SPAG9: variants seen among roughly 807,000 people sequenced by gnomAD.
The protein encoded by SPAG9 is sperm associated antigen 9.
Under a neutral mutation model 166.5 loss-of-function variants are expected in SPAG9, and 35 were observed. The observed-to-expected ratio is 0.21, with a 90% CI of 0.16 to 0.28. SPAG9 has a LOEUF of 0.28. Ranked by LOEUF, SPAG9 falls within the 10% of genes least tolerant of loss-of-function variation. The pLI, the probability that SPAG9 is intolerant of heterozygous loss-of-function variation, is 1.00. For synonymous variants in SPAG9, 534 were observed against 565.5 expected (o/e 0.94, Z 0.79); for missense variants, 1,235 against 1,603.3 (o/e 0.77, Z 3.92).
intron 1 of SPAG9, among the ~76,000 whole-genome samples, chr17:51,106,102 T>TACACACAC (rs71149344): frequency 0.036 from 3,992 of 110,608 alleles, 122 homozygotes; most frequent in South Asian, 0.047. Flanking sequence ...CCCCCATCTC[T>TACACACAC]ACACACACAC....
chr17:51,087,869 G>A (rs1040444562), intron 1 of SPAG9, among the ~76,000 whole-genome samples: 1 of 152,108 alleles, frequency 6.6e-6, no homozygotes, highest in African/African-American at 2.4e-5. Context: ...CTGAGTAGCT[G>A]GGACTACAGG....
Position 50,995,508 on chromosome 17 carries a change from T to G in SPAG9, c.1994A>C (p.Lys665Thr). Residue 665 changes from lysine (K) to threonine (T), a missense_variant, in exon 17 of 30, where the codon AAG (lysine) becomes ACG (threonine). Lys to Thr is a moderately conservative substitution (Grantham distance 78). Coordinates refer to ENST00000262013, the MANE Select transcript of SPAG9 (RefSeq NM_001130528.3). ...KQVTNGQGEN[K>T]MKNLPVPVYL... ...GACAGGCACAGGTAAATTTTTCATCTTATTTTCACCTTGACCATTGGTTAC... is the reference window on the plus strand; with the variant it reads ...GACAGGCACAGGTAAATTTTTCATCGTATTTTCACCTTGACCATTGGTTAC... 1 of 1,610,946 alleles carries G rather than the reference T, an allele frequency of 6.2e-7. No individual in the cohort carries two copies. The highest frequency in any genetic ancestry group is 8.5e-7 in the Non-Finnish European group (1 of 1,177,230).
chr17:51,114,707 T>C (rs2049231341), intron 1 of SPAG9, among the ~76,000 whole-genome samples: 1 of 152,036 alleles, frequency 6.6e-6, no homozygotes, highest in South Asian at 2.1e-4. Flanking sequence ...ATCCCAGCAC[T>C]TTGGGAGGTT....
chr17:51,006,539 C>T (rs1424523557), intron 10 of SPAG9, among the ~76,000 whole-genome samples: 1 of 151,842 alleles, frequency 6.6e-6, no homozygotes, highest in African/African-American at 2.4e-5. Context: ...AATATATTAC[C>T]CAATCAATAA....
In SPAG9 at chr17:51,027,003, C is replaced by A. The variant is rs1007448039; in HGVS notation, c.783+4678G>T. 2.6e-5 allele frequency among the ~76,000 whole-genome samples: 4 copies of A among 152,200 alleles called. No individual in the cohort carries two copies. The South Asian group carries it at 6.2e-4, about 24-fold the overall frequency. Reference sequence around the variant, plus strand: ...GAAACCATTTTTGAAAGAGGTCTTTCTTCTTGGTATCCCAGGCAGTGGTGA... The same window carrying A: ...GAAACCATTTTTGAAAGAGGTCTTTATTCTTGGTATCCCAGGCAGTGGTGA... On this transcript the variant is annotated intron_variant, in intron 6 of 29. Coordinates refer to ENST00000262013, the MANE Select transcript of SPAG9 (RefSeq NM_001130528.3).
At chr17:51,036,632 T>G (rs2144344090) in intron 5 of SPAG9, among the ~76,000 whole-genome samples, 1 of 152,192 alleles carries the variant, frequency 6.6e-6, no homozygotes, top group South Asian at 2.1e-4. Context: ...TTGGGGAGGC[T>G]CTCATCATCC....
intron 5 of SPAG9, 31 bp downstream of exon 5, chr17:51,041,470 A>G: frequency 6.2e-7 from 1 of 1,600,008 alleles, no homozygotes; most frequent in Non-Finnish European, 8.5e-7. Context: ...TGAAATATAA[A>G]CTGACACAAT....
intron 2 of SPAG9, among the ~76,000 whole-genome samples, chr17:51,071,913 A>G (rs1213406285): frequency 2.0e-5 from 3 of 152,182 alleles, no homozygotes; most frequent in Non-Finnish European, 4.4e-5. Context: ...CATGAAAACT[A>G]GAAAAGGCAT....
chr17:50,985,138 C>G, intron 23 of SPAG9, 148 bp from the exon 24 acceptor site: 2 of 651,200 alleles, frequency 3.1e-6, no homozygotes, highest in Non-Finnish European at 5.5e-6. Flanking sequence ...ACACCACTTT[C>G]TTCACTGTGG....
chr17:51,030,771 C>T (rs2046354194), intron 6 of SPAG9: 1 of 152,134 alleles, frequency 6.6e-6, no homozygotes, highest in Admixed American at 6.5e-5. Context: ...GAGTATATTT[C>T]AAAGGAAGAG....
chr17:51,045,585 G>T (rs945760504), intron 4 of SPAG9, among the ~76,000 whole-genome samples: 3 of 151,878 alleles, frequency 2.0e-5, no homozygotes, highest in African/African-American at 7.2e-5. Context: ...TACAATTAGG[G>T]TTTAAATATT....
intron 2 of SPAG9, among the ~76,000 whole-genome samples, chr17:51,076,950 A>G (rs1200107349): frequency 6.6e-6 from 1 of 151,562 alleles, no homozygotes; most frequent in Non-Finnish European, 1.5e-5. Flanking sequence ...AGCCTGGGCA[A>G]CATAATGAGA....
At position 51,031,600 on chromosome 17, in the gene SPAG9, G is replaced by C. The variant is rs754377845; in HGVS notation, c.783+81C>G. On this transcript the variant is annotated intron_variant, in intron 6 of 29. Coordinates refer to ENST00000262013, the MANE Select transcript of SPAG9 (RefSeq NM_001130528.3). ...TTCCAAGCTGAGCATCTGATGTCTT[G>C]AGAATAGCAGTTGAGGAAGTAATCA... is the stretch of plus-strand genomic sequence containing the variant. 27 of 977,726 alleles carry C rather than the reference G, an allele frequency of 2.8e-5. No homozygotes were observed. The East Asian group carries it at 6.0e-4, about 22-fold the overall frequency. 60.6% of individuals were successfully genotyped at this position (977,726 alleles called of 1,614,324 possible).
At chr17:51,068,922 AG>A (rs1048061273) in intron 2 of SPAG9, among the ~76,000 whole-genome samples, 69 of 152,306 alleles carry the variant, frequency 4.5e-4, no homozygotes, top group African/African-American at 1.6e-3. Context: ...AAAGACCACA[AG>A]TATTACCTAA....
At chr17:51,060,117 A>G (rs949951260) in intron 2 of SPAG9, among the ~76,000 whole-genome samples, 2 of 151,958 alleles carry the variant, frequency 1.3e-5, no homozygotes, top group Admixed American at 1.3e-4. Context: ...CTCCTGACCT[A>G]TTATGGACTG....
intron 3 of SPAG9, 42 bp from the exon 4 acceptor site, chr17:51,047,511 T>A: frequency 1.1e-6 from 1 of 915,408 alleles, no homozygotes; most frequent in Non-Finnish European, 1.7e-6. Context: ...TTAAGGCTAA[T>A]ACCTGGAATA....
chr17:51,055,372 A>AG (rs1443564341), intron 3 of SPAG9, among the ~76,000 whole-genome samples: 1 of 151,610 alleles, frequency 6.6e-6, no homozygotes, highest in Non-Finnish European at 1.5e-5. Flanking sequence ...CACACACACA[A>AG]GCAACAACAG....
At chr17:51,066,857 G>A (rs540253726) in intron 2 of SPAG9, among the ~76,000 whole-genome samples, 7 of 151,674 alleles carry the variant, frequency 4.6e-5, no homozygotes, top group Non-Finnish European at 7.4e-5. Flanking sequence ...ACACCACTGC[G>A]CTCTAGCCTG....
intron 9 of SPAG9, chr17:51,009,128 C>T (rs2045351454): frequency 2.2e-6 from 1 of 452,618 alleles, no homozygotes; most frequent in Admixed American, 2.4e-5. Context: ...AAATCATACA[C>T]ACCAGAATAT....
Sources: allele counts gnomAD v4.1 joint callset (sites outside exome capture counted in the v4.1 genomes callset), GRCh38; gene constraint gnomAD v4.1.1; transcripts MANE v1.5; gene names NCBI Gene and HGNC (gene_info 2026-07-23, HGNC 2026-07-21).